CALCOCO1: variants seen among roughly 807,000 people sequenced by gnomAD.
CALCOCO1 encodes the protein calcium binding and coiled-coil domain 1, also known as calcium-binding and coiled-coil domain-containing protein 1.
CALCOCO1 carries 44 observed loss-of-function variants against 86.3 expected under a neutral mutation model. That is an observed-to-expected ratio of 0.51 (90% CI 0.40 to 0.66). CALCOCO1 has a LOEUF of 0.66. Among genes scored for constraint, CALCOCO1 ranks in the 30% least tolerant of loss-of-function variants. The probability of loss-of-function intolerance (pLI) is 0.00; values close to 1 mark genes in which losing one functional copy is unlikely to be tolerated. For synonymous variants in CALCOCO1, 297 were observed against 327.6 expected (o/e 0.91, Z 1.01); for missense variants, 708 against 851.1 (o/e 0.83, Z 2.09).
chr12:53,714,685 C>T lies in CALCOCO1; in HGVS notation c.1395G>A (p.Leu465=), dbSNP rs758477965. Residue 465 remains leucine, a synonymous_variant, in exon 11 of 15, where the codon TTG becomes TTA. Coordinates refer to ENST00000550804, the MANE Select transcript of CALCOCO1 (RefSeq NM_020898.3). The part of the protein sequence containing the change: ...AREKDSSLVQ[L]SESKRELTEL... ...CTGTCAGCTCCCGCTTACTTTCTGA[C>T]AACTGTACCTGAGGGAAGAGGGCCC... The T allele has an allele frequency of 5.6e-6, 9 of 1,613,090 alleles. No individual in the cohort carries two copies. In the East Asian group the frequency reaches 1.8e-4, roughly 32 times the overall value.
At position 53,725,280 on chromosome 12, in the gene CALCOCO1, G is replaced by T. The variant is rs1945996852; in HGVS notation, c.-24-14C>A. 1.2e-5 allele frequency: 19 copies of T among 1,528,900 alleles called. No individual in the cohort carries two copies. The highest frequency in any genetic ancestry group is 1.8e-4 in the Middle Eastern group (1 of 5,680). The allele number at this position is 1,528,900 out of a possible 1,614,324, so 94.7% of individuals were successfully genotyped here. ...ATATCTGTCCTCCTATGAAAGAAAG[G>T]GTTGATAGCCTAAAGTCTTTCCAGT... On this transcript the variant is annotated splice_polypyrimidine_tract_variant and intron_variant, in intron 1 of 14. Coordinates refer to ENST00000550804, the MANE Select transcript of CALCOCO1 (RefSeq NM_020898.3).
rs115704643 is a variant in CALCOCO1, at chr12:53,714,145, C to A, written c.1579G>T (p.Ala527Ser). ...EDATTEDEEAAVGLSCPAALT... is the reference protein window; with the variant it reads ...EDATTEDEEASVGLSCPAALT... ...GGGCTACACGGACTCAGCCCCACAGCGGCCTCCTCATCCTCTGTGGTGGCA... is the reference window on the plus strand; with the variant it reads ...GGGCTACACGGACTCAGCCCCACAGAGGCCTCCTCATCCTCTGTGGTGGCA... Residue 527 changes from alanine to serine, a missense_variant, in exon 12 of 15, where the codon GCT (alanine) becomes TCT (serine). Physicochemically the swap from Ala to Ser is moderately conservative, Grantham distance 99. Coordinates refer to ENST00000550804, the MANE Select transcript of CALCOCO1 (RefSeq NM_020898.3). The A allele has an allele frequency of 1.9e-6, 3 of 1,609,820 alleles. No homozygotes were observed. The highest frequency in any genetic ancestry group is 2.5e-6 in the Non-Finnish European group (3 of 1,177,702).
At chr12:53,725,943 T>C (rs1169870654) in intron 1 of CALCOCO1, among the ~76,000 whole-genome samples, 2 of 151,842 alleles carry the variant, frequency 1.3e-5, no homozygotes, top group African/African-American at 4.8e-5. Context: ...GGGGAGGATA[T>C]AAGGAAAGAC....
chr12:53,714,267 G>T (rs759479473), intron 11 of CALCOCO1, 26 bp from the exon 12 acceptor site: 2 of 1,575,038 alleles, frequency 1.3e-6, no homozygotes, highest in Non-Finnish European at 8.7e-7. Context: ...AAAAAGGCAG[G>T]TGCTAGAGAA....
chr12:53,723,449 C>G (rs1945934347), intron 4 of CALCOCO1, 144 bp downstream of exon 4: 5 of 789,886 alleles, frequency 6.3e-6, no homozygotes, highest in Non-Finnish European at 1.1e-5. Flanking sequence ...GACTGAGACT[C>G]TCCTGGAGGC....
At chr12:53,722,820 T>A (rs1945911434) in intron 4 of CALCOCO1, 1 of 393,454 alleles carries the variant, frequency 2.5e-6, no homozygotes, top group East Asian at 7.3e-5. Context: ...TCCCTTAGTC[T>A]GAATTGTTGT....
At chr12:53,715,538 A>G in intron 9 of CALCOCO1, 1 of 736,364 alleles carries the variant, frequency 1.4e-6, no homozygotes, top group Non-Finnish European at 2.2e-6. Context: ...GCATTATGGC[A>G]GGGCCTGGGG....
chr12:53,711,594 G>A lies in CALCOCO1; in HGVS notation c.*350C>T. 3.4e-6 allele frequency: 1 copy of A among 294,826 alleles called. No homozygotes were observed. Among genetic ancestry groups the A allele is most frequent in the Non-Finnish European group, 6.2e-6 (1 of 160,504 alleles). 18.3% of individuals were successfully genotyped at this position (294,826 alleles called of 1,614,324 possible). A position where few individuals can be genotyped will look rare whatever the true frequency, so the allele number is the denominator to read the frequency against. The stretch of plus-strand genomic sequence containing the variant: ...GCATCAGACAAGGGAGTGTGAGTGT[G>A]AGTGTGTGTGTGCAGTGGCTGTGTA... On this transcript the variant is annotated 3_prime_UTR_variant, in exon 15 of 15. Transcript: ENST00000550804.
At chr12:53,718,904 G>A (rs1031759630) in intron 7 of CALCOCO1, among the ~76,000 whole-genome samples, 5 of 137,530 alleles carry the variant, frequency 3.6e-5, no homozygotes, top group African/African-American at 1.1e-4. Flanking sequence ...CTGGAGAGCC[G>A]TAGTGTGATC....
intron 6 of CALCOCO1, among the ~76,000 whole-genome samples, chr12:53,720,501 G>T (rs2120617370): frequency 6.6e-6 from 1 of 152,330 alleles, no homozygotes; most frequent in South Asian, 2.1e-4. Context: ...CTCTGGTCTA[G>T]ATAGCCCCTA....
chr12:53,715,570 G>A, intron 9 of CALCOCO1: 1 of 753,892 alleles, frequency 1.3e-6, no homozygotes, highest in Non-Finnish European at 2.1e-6. Flanking sequence ...AAATGTTTCT[G>A]TTCCAAGGAA....
chr12:53,712,843 G>T, intron 14 of CALCOCO1: 1 of 1,453,212 alleles, frequency 6.9e-7, no homozygotes, highest in Non-Finnish European at 9.2e-7. Context: ...TGCAGAAGAT[G>T]GTGCTAGAAC....
chr12:53,723,529 G>A, intron 4 of CALCOCO1, 64 bp downstream of exon 4: 2 of 1,552,204 alleles, frequency 1.3e-6, no homozygotes, highest in Non-Finnish European at 8.9e-7. Flanking sequence ...AGGTGGGAAG[G>A]GTCCTCTTGC....
At position 53,711,741 on chromosome 12, in the gene CALCOCO1, C is replaced by T. The variant is rs1945557304; in HGVS notation, c.*203G>A. The stretch of plus-strand genomic sequence containing the variant: ...TCAGCCACTGCTTCCGAACAGGACC[C>T]CTCCCTGGGACAAAAGAGCCAGGTA... On this transcript the variant is annotated 3_prime_UTR_variant, in exon 15 of 15. Coordinates refer to ENST00000550804, the MANE Select transcript of CALCOCO1 (RefSeq NM_020898.3). 1 of 471,642 alleles carries T rather than the reference C, an allele frequency of 2.1e-6. No homozygotes were observed. The highest frequency in any genetic ancestry group is 4.7e-5 in the South Asian group (1 of 21,280). The allele number at this position is 471,642 out of a possible 1,614,324, so 29.2% of individuals were successfully genotyped here.
At chr12:53,714,489 C>A (rs1945672016) in intron 11 of CALCOCO1, 109 bp downstream of exon 11, 4 of 848,094 alleles carry the variant, frequency 4.7e-6, no homozygotes, top group African/African-American at 1.7e-5. Context: ...GGTACGGGCC[C>A]TCTTGGAGAG....
chr12:53,718,451 C>T (rs1380693661), intron 7 of CALCOCO1, among the ~76,000 whole-genome samples: 1 of 152,100 alleles, frequency 6.6e-6, no homozygotes, highest in Non-Finnish European at 1.5e-5. Flanking sequence ...TGAGATTCCA[C>T]ACAAGATTAA....
intron 13 of CALCOCO1, among the ~76,000 whole-genome samples, 198 bp downstream of exon 13, chr12:53,713,503 C>G (rs990987405): frequency 1.1e-4 from 17 of 152,156 alleles, no homozygotes; most frequent in African/African-American, 4.1e-4. Flanking sequence ...CCCTGGATAG[C>G]TAAGATTCCT....
intron 4 of CALCOCO1, 26 bp downstream of exon 4, chr12:53,723,567 G>T: frequency 6.2e-7 from 1 of 1,613,116 alleles, no homozygotes; most frequent in South Asian, 1.1e-5. Context: ...CCTTGTCTGG[G>T]AATAACTCTG....
intron 6 of CALCOCO1, among the ~76,000 whole-genome samples, chr12:53,721,034 G>A (rs948060846): frequency 6.6e-6 from 1 of 152,162 alleles, no homozygotes; most frequent in Non-Finnish European, 1.5e-5. Flanking sequence ...TTTATGATTT[G>A]CATCTTTTTT....
Sources: allele counts gnomAD v4.1 joint callset (sites outside exome capture counted in the v4.1 genomes callset), GRCh38; gene constraint gnomAD v4.1.1; transcripts MANE v1.5; gene names NCBI Gene and HGNC (gene_info 2026-07-23, HGNC 2026-07-21).